OTOS: variants seen among roughly 807,000 people sequenced by gnomAD.
OTOS encodes the protein otospiralin.
Under a neutral mutation model 12.5 loss-of-function variants are expected in OTOS, and 14 were observed. The observed-to-expected ratio is 1.12, with a 90% confidence interval of 0.74 to 1.76. The LOEUF (loss-of-function observed/expected upper bound fraction) is 1.76. Ranked by LOEUF, OTOS falls within the 40% of genes most tolerant of loss-of-function variation. OTOS has a pLI of 0.00. For synonymous variants in OTOS, 49 were observed against 47.6 expected (o/e 1.03, Z -0.12); for missense variants, 141 against 112.8 (o/e 1.25, Z -1.13).
intron 2 of OTOS, 59 bp from the exon 3 acceptor site, chr2:240,140,147 AC>A (rs2072042449): frequency 1.2e-6 from 2 of 1,606,914 alleles, no homozygotes; most frequent in Non-Finnish European, 1.7e-6. Flanking sequence ...GGTTGGGCCC[AC>A]CCGACACCAG....
At position 240,139,096 on chromosome 2, in the gene OTOS, C is replaced by T. The variant is rs1329011480; in HGVS notation, c.*74G>A. The T allele has an allele frequency of 2.2e-5, 33 of 1,501,450 alleles. No individual in the cohort carries two copies. The highest frequency in any genetic ancestry group is 4.4e-4 in the Middle Eastern group (2 of 4,512). The allele number at this position is 1,501,450 out of a possible 1,614,324, so 93.0% of individuals were successfully genotyped here. A position where few individuals can be genotyped will look rare whatever the true frequency, so the allele number is the denominator to read the frequency against. ...GACTCCTGCAGGGGCCAGGTTTTTG[C>T]GGGGACTCCATGCCTGTGGAGGCCC... On this transcript the variant is annotated 3_prime_UTR_variant, in exon 4 of 4. Transcript: ENST00000319460.
intron 3 of OTOS, among the ~76,000 whole-genome samples, chr2:240,139,794 G>A (rs2072038157): frequency 6.6e-6 from 1 of 152,198 alleles, no homozygotes; most frequent in African/African-American, 2.4e-5. Flanking sequence ...GGGAATGTCA[G>A]GGGTCATGGG....
Position 240,139,282 on chromosome 2 carries a change from T to C in OTOS, c.158A>G (p.His53Arg). 1 of 1,614,156 alleles carries C rather than the reference T, an allele frequency of 6.2e-7. No homozygotes were observed. The highest frequency in any genetic ancestry group is 8.5e-7 in the Non-Finnish European group (1 of 1,180,022). ...STSDFWNYVQHFQALGAYPQI... is the reference protein window; with the variant it reads ...STSDFWNYVQRFQALGAYPQI... ...GGGGTAGGCCCCCAGGGCCTGGAAG[T>C]GCTGCACATAGTTCCAGAAGTCAGA... Residue 53 changes from histidine to arginine, a missense_variant, in exon 4 of 4, where the codon CAC (histidine) becomes CGC (arginine). Transcript: ENST00000319460.
At position 240,140,495 on chromosome 2, in the gene OTOS, CA is replaced by C. The variant is rs1423614938; in HGVS notation, c.-118-52del. The C allele has an allele frequency of 5.9e-6, 4 of 676,004 alleles. No individual in the cohort carries two copies. The East Asian group carries it at 1.2e-4, about 20-fold the overall frequency. The allele number at this position is 676,004 out of a possible 1,614,324, so 41.9% of individuals were successfully genotyped here. The stretch of plus-strand genomic sequence containing the variant: ...AAAAAAATTCTTACTGTTTTCCTAG[CA>C]ATTTCCATTTCAGTGGTTTCAAACC... On this transcript the variant is annotated intron_variant, in intron 1 of 3. Coordinates refer to ENST00000319460, the MANE Select transcript of OTOS (RefSeq NM_148961.4).
Position 240,139,371 on chromosome 2 carries a change from A to G in OTOS, c.86-17T>C, listed in dbSNP as rs760250390. ...CGTAAGGGTCTGAAAGACACAAGAC[A>G]CCTGCCTTGGGGGCTGTCCCCATGG... On this transcript the variant is annotated splice_polypyrimidine_tract_variant and intron_variant, in intron 3 of 3. Transcript: ENST00000319460. The G allele has an allele frequency of 5.6e-6, 9 of 1,601,546 alleles. No homozygotes were observed. Among genetic ancestry groups the G allele is most frequent in the Non-Finnish European group, 7.7e-6 (9 of 1,172,080 alleles).
At position 240,139,338 on chromosome 2, in the gene OTOS, C is replaced by G. The variant is rs1246907159; in HGVS notation, c.102G>C (p.Leu34=). 1 of 1,613,498 alleles carries G rather than the reference C, an allele frequency of 6.2e-7. No homozygotes were observed. Among genetic ancestry groups the G allele is most frequent in the South Asian group, 1.1e-5 (1 of 91,012 alleles). ...AGAAAGGCCAGTAGGGCATGGCCGG[C>G]AGCTCCGCGTAAGGGTCTGAAAGAC... The part of the protein sequence containing the change: ...VQEEGDPYAE[L]PAMPYWPFST... Residue 34 remains leucine (L), a synonymous_variant, in exon 4 of 4, where the codon CTG becomes CTC. Transcript: ENST00000319460.
Position 240,140,297 on chromosome 2 carries a change from G to C in OTOS, c.30C>G (p.Ala10=), listed in dbSNP as rs1226988715. Residue 10 remains alanine, a synonymous_variant, in exon 2 of 4, where the codon GCC becomes GCG. Transcript: ENST00000319460. The stretch of plus-strand genomic sequence containing the variant: ...CAAGAGGCCCCAGTAGGAGGCAGAG[G>C]GCCAGCCCCGGCACCATGCAGGCCT... The part of the protein sequence containing the change: MQACMVPGL[A]LCLLLGPLAG... The C allele has an allele frequency of 1.3e-6, 2 of 1,596,010 alleles. No homozygotes were observed.
intron 2 of OTOS, 57 bp from the exon 3 acceptor site, chr2:240,140,145 C>T (rs2072042389): frequency 2.5e-6 from 4 of 1,606,880 alleles, no homozygotes; most frequent in East Asian, 2.2e-5. Context: ...CCGGTTGGGC[C>T]CACCCGACAC....
intron 3 of OTOS, 105 bp downstream of exon 3, chr2:240,139,957 G>T: frequency 7.4e-7 from 1 of 1,351,946 alleles, no homozygotes; most frequent in Non-Finnish European, 1.0e-6. Context: ...CAGGGCCCCT[G>T]ATGCGTCTGC....
In OTOS at chr2:240,139,372, C is replaced by T. The variant is rs1295537479; in HGVS notation, c.86-18G>A. The T allele has an allele frequency of 7.5e-6, 12 of 1,601,452 alleles. No individual in the cohort carries two copies. The East Asian group carries it at 1.1e-4, about 15-fold the overall frequency. On this transcript the variant is annotated intron_variant, in intron 3 of 3. Transcript: ENST00000319460. ...GTAAGGGTCTGAAAGACACAAGACA[C>T]CTGCCTTGGGGGCTGTCCCCATGGT...
At position 240,139,122 on chromosome 2, in the gene OTOS, G is replaced by T; in HGVS notation, c.*48C>A. ...GGGGACTCCATGCCTGTGGAGGCCC[G>T]ACCGAGTGCAGCCTGGCGGGGTGGG... On this transcript the variant is annotated 3_prime_UTR_variant, in exon 4 of 4. Transcript: ENST00000319460. The T allele has an allele frequency of 1.3e-6, 2 of 1,583,206 alleles. No homozygotes were observed. The highest frequency in any genetic ancestry group is 1.2e-5 in the South Asian group (1 of 86,868).
chr2:240,140,429 C>A lies in OTOS; in HGVS notation c.-103G>T. On this transcript the variant is annotated 5_prime_UTR_variant, in exon 2 of 4. Transcript: ENST00000319460. ...GTCAGGGCCGGCTTCCTCTACCAGT[C>A]CCAGTGTGGGCAGCCCTGGGGAAAA... 8.1e-7 allele frequency: 1 copy of A among 1,239,442 alleles called. No homozygotes were observed. 76.8% of individuals were successfully genotyped at this position (1,239,442 alleles called of 1,614,324 possible).
At chr2:240,139,934 G>T (rs2072039529) in intron 3 of OTOS, 128 bp downstream of exon 3, 1 of 1,092,856 alleles carries the variant, frequency 9.2e-7, no homozygotes, top group Non-Finnish European at 1.3e-6. Flanking sequence ...CCATGCTTGG[G>T]CCTGAGCTGA....
At chr2:240,139,654 C>T (rs556247795) in intron 3 of OTOS, among the ~76,000 whole-genome samples, 2 of 152,164 alleles carry the variant, frequency 1.3e-5, no homozygotes, top group African/African-American at 2.4e-5. Context: ...GAACAGAGCA[C>T]AGACACCCCA....
At position 240,139,054 on chromosome 2, in the gene OTOS, A is replaced by G; in HGVS notation, c.*116T>C. On this transcript the variant is annotated 3_prime_UTR_variant, in exon 4 of 4. Transcript: ENST00000319460. ...TGCATCTTCAGTCCGGAGTTTATTG[A>G]GCGTGAGACCAGGCCTGACTCCTGC... The G allele has an allele frequency of 9.2e-7, 1 of 1,091,736 alleles. No individual in the cohort carries two copies. 67.6% of individuals were successfully genotyped at this position (1,091,736 alleles called of 1,614,324 possible). A position where few individuals can be genotyped will look rare whatever the true frequency, so the allele number is the denominator to read the frequency against.
chr2:240,140,391 A>G lies in OTOS; in HGVS notation c.-65T>C. Reference sequence around the variant, plus strand: ...CAGCAGGATGAACCCAGGAAGGGCGAGACCACCCATCCGTCAGGGCCGGCT... The same window carrying G: ...CAGCAGGATGAACCCAGGAAGGGCGGGACCACCCATCCGTCAGGGCCGGCT... On this transcript the variant is annotated 5_prime_UTR_variant, in exon 2 of 4. Transcript: ENST00000319460. The G allele has an allele frequency of 1.3e-6, 2 of 1,491,316 alleles. No homozygotes were observed. Among genetic ancestry groups the G allele is most frequent in the South Asian group, 2.6e-5 (2 of 77,974 alleles). The allele number at this position is 1,491,316 out of a possible 1,614,324, so 92.4% of individuals were successfully genotyped here.
At position 240,139,160 on chromosome 2, in the gene OTOS, T is replaced by G; in HGVS notation, c.*10A>C. ...CTGGCGGGGTGGGCGGGCACCAGGC[T>G]GGACACCATTCAGTCCTCCTGATAG... On this transcript the variant is annotated 3_prime_UTR_variant, in exon 4 of 4. Coordinates refer to ENST00000319460, the MANE Select transcript of OTOS (RefSeq NM_148961.4). The G allele has an allele frequency of 2.5e-6, 4 of 1,610,496 alleles. No homozygotes were observed. Among genetic ancestry groups the G allele is most frequent in the Non-Finnish European group, 3.4e-6 (4 of 1,177,726 alleles).
At chr2:240,140,208 G>A (rs973926191) in intron 2 of OTOS, 61 bp downstream of exon 2, 9 of 1,585,744 alleles carry the variant, frequency 5.7e-6, no homozygotes, top group Non-Finnish European at 6.9e-6. Context: ...TGCGGGAGGG[G>A]AGAGAACAGG....
chr2:240,139,438 G>A (rs1243548247), intron 3 of OTOS, 84 bp from the exon 4 acceptor site: 21 of 1,426,768 alleles, frequency 1.5e-5, no homozygotes, highest in Non-Finnish European at 1.9e-5. Context: ...CAAGGCAAGT[G>A]GATGGTTCCC....
Sources: gnomAD v4.1 joint callset for allele counts (sites outside exome capture counted in the v4.1 genomes callset) on GRCh38, gnomAD v4.1.1 for gene constraint, MANE v1.5 for transcripts, NCBI Gene and HGNC (gene_info 2026-07-23, HGNC 2026-07-21) for gene names.